Variants in CUBN observed in about 807,000 individuals in gnomAD.
The protein encoded by CUBN is cubilin, also known as 460 kDa receptor.
In CUBN, 282 loss-of-function variants were observed where a neutral mutation model predicts 405.3. That is an observed-to-expected ratio of 0.70 (90% confidence interval 0.63 to 0.77). The LOEUF (loss-of-function observed/expected upper bound fraction) is 0.77, where lower values mean the gene tolerates loss of function less well. Ranked by LOEUF, CUBN falls within the 30% of genes least tolerant of loss-of-function variation. The pLI is 0.00. For synonymous variants in CUBN, 1,684 were observed against 1,617.0 expected (o/e 1.04, Z -0.99); for missense variants, 4,514 against 4,475.2 (o/e 1.01, Z -0.25).
chr10:16,844,503 G>A (rs896743431), intron 60 of CUBN, among the ~76,000 whole-genome samples: 7 of 152,152 alleles, frequency 4.6e-5, no homozygotes, highest in East Asian at 1.9e-4. Flanking sequence ...CTGATCCTAC[G>A]TGATGTAAGA....
chr10:16,923,291 C>T (rs1362467023), intron 43 of CUBN, among the ~76,000 whole-genome samples: 4 of 152,088 alleles, frequency 2.6e-5, no homozygotes, highest in Non-Finnish European at 4.4e-5. Context: ...GAATAAAAGG[C>T]ATCTACCACA....
intron 54 of CUBN, among the ~76,000 whole-genome samples, chr10:16,896,341 A>G (rs1335696508): frequency 6.6e-6 from 1 of 152,132 alleles, no homozygotes; most frequent in Admixed American, 6.5e-5. Context: ...ACCATCTTTA[A>G]TGGTAGGTTT....
At chr10:17,031,494 T>C (rs537455855) in intron 27 of CUBN, among the ~76,000 whole-genome samples, 1 of 152,160 alleles carries the variant, frequency 6.6e-6, no homozygotes, top group African/African-American at 2.4e-5. Flanking sequence ...AGTAGTGGAG[T>C]TTGGGTTTAA....
rs547457448 is a variant in CUBN, at chr10:17,012,412, C to G, written c.4168+7421G>C. Among the ~76,000 whole-genome samples, 3 of 152,352 alleles carry G rather than the reference C, an allele frequency of 2.0e-5. No individual in the cohort carries two copies. In the East Asian group the frequency reaches 5.8e-4, roughly 29 times the overall value. On this transcript the variant is annotated intron_variant, in intron 28 of 66. Transcript: ENST00000377833. ...GCAACACTCTTTCCCAAAGAAGGTGCAAAGTCCTCCTTTCTCAGCAGTGAG... is the reference window on the plus strand; with the variant it reads ...GCAACACTCTTTCCCAAAGAAGGTGGAAAGTCCTCCTTTCTCAGCAGTGAG...
At chr10:16,990,992 CCTTAG>C (rs906539614) in intron 28 of CUBN, among the ~76,000 whole-genome samples, 1 of 152,016 alleles carries the variant, frequency 6.6e-6, no homozygotes, top group Non-Finnish European at 1.5e-5. Context: ...GGCTAAAAAT[CCTTAG>C]CTTTGTACCA....
At chr10:17,076,045 C>T (rs1006100884) in intron 17 of CUBN, among the ~76,000 whole-genome samples, 2 of 152,062 alleles carry the variant, frequency 1.3e-5, no homozygotes, top group Admixed American at 6.6e-5. Context: ...TTTGCTTCTT[C>T]GAAGATTGTA....
At chr10:17,069,810 C>T (rs950301885) in intron 19 of CUBN, among the ~76,000 whole-genome samples, 1 of 152,226 alleles carries the variant, frequency 6.6e-6, no homozygotes, top group African/African-American at 2.4e-5. Context: ...TCTTAAAGTG[C>T]TGGGATGAGG....
intron 31 of CUBN, among the ~76,000 whole-genome samples, chr10:16,981,867 T>C (rs1214311045): frequency 6.6e-6 from 1 of 152,136 alleles, no homozygotes; most frequent in Admixed American, 6.5e-5. Flanking sequence ...CCATATTCCT[T>C]CTCCTCCACT....
intron 31 of CUBN, among the ~76,000 whole-genome samples, chr10:16,981,563 C>G (rs1833274881): frequency 6.6e-6 from 1 of 152,152 alleles, no homozygotes; most frequent in African/African-American, 2.4e-5. Flanking sequence ...CCCTTTGGGG[C>G]TTTTGGGGTC....
intron 22 of CUBN, among the ~76,000 whole-genome samples, chr10:17,064,979 A>G (rs1395738421): frequency 2.6e-5 from 4 of 152,114 alleles, no homozygotes; most frequent in African/African-American, 9.7e-5. Flanking sequence ...TCTGTTTCTA[A>G]TTTCTTAACA....
At chr10:17,028,256 A>G (rs1367322912) in intron 27 of CUBN, among the ~76,000 whole-genome samples, 1 of 145,518 alleles carries the variant, frequency 6.9e-6, no homozygotes, top group Non-Finnish European at 1.5e-5. Flanking sequence ...TATTATTATT[A>G]TTATTATGCC....
intron 28 of CUBN, among the ~76,000 whole-genome samples, chr10:17,016,473 G>C (rs1172441309): frequency 6.6e-6 from 1 of 152,144 alleles, no homozygotes; most frequent in Non-Finnish European, 1.5e-5. Flanking sequence ...TTAAAGGCCA[G>C]GGTTTGATCT....
chr10:16,988,929 G>A (rs1833504451), intron 29 of CUBN, among the ~76,000 whole-genome samples: 3 of 152,170 alleles, frequency 2.0e-5, no homozygotes, highest in African/African-American at 7.2e-5. Context: ...ACGATTTAAT[G>A]TTTAAATGAG....
At chr10:17,086,834 C>T (rs1354322194) in intron 15 of CUBN, among the ~76,000 whole-genome samples, 1 of 152,146 alleles carries the variant, frequency 6.6e-6, no homozygotes, top group African/African-American at 2.4e-5. Flanking sequence ...AAATGAGAGA[C>T]ATTTCAATAT....
Position 16,950,064 on chromosome 10 carries a change from T to C in CUBN, c.5017A>G (p.Thr1673Ala), listed in dbSNP as rs1251810164. ...SFTHFELERS[T>A]TCARDFVEIL... is the part of the protein sequence containing the mutation. ...TCTACAAAGTCACGTGCACACGTTG[T>C]GCTTCTTTCAAGTTCAAAGTGGGTA... The change falls in exon 34 of 67, where the codon ACA (threonine) becomes GCA (alanine). Residue 1673 changes from threonine (T) to alanine (A), a missense_variant. Coordinates refer to ENST00000377833, the MANE Select transcript of CUBN (RefSeq NM_001081.4). 1 of 1,614,074 alleles carries C rather than the reference T, an allele frequency of 6.2e-7. No individual in the cohort carries two copies. The highest frequency in any genetic ancestry group is 2.2e-5 in the East Asian group (1 of 44,868).
chr10:16,937,481 C>T (rs906488372), intron 39 of CUBN, 111 bp downstream of exon 39: 72 of 857,478 alleles, frequency 8.4e-5, no homozygotes, highest in Middle Eastern at 6.4e-4. Flanking sequence ...GGTGGAAGGG[C>T]TTTGGGGCTG....
intron 16 of CUBN, 90 bp from the exon 17 acceptor site, chr10:17,084,551 C>CAG (rs1396911578): frequency 3.2e-6 from 3 of 933,192 alleles, no homozygotes; most frequent in African/African-American, 1.6e-5. Flanking sequence ...TTTACCCACA[C>CAG]ACACACACAC....
intron 12 of CUBN, among the ~76,000 whole-genome samples, chr10:17,103,818 G>C (rs1836555517): frequency 6.6e-6 from 1 of 152,238 alleles, no homozygotes; most frequent in Non-Finnish European, 1.5e-5. Context: ...AAACAAGGAA[G>C]ATGTGTGAGG....
At chr10:17,099,924 G>A in intron 14 of CUBN, 81 bp downstream of exon 14, 2 of 822,004 alleles carry the variant, frequency 2.4e-6, no homozygotes, top group East Asian at 4.9e-5. Flanking sequence ...AACATCTCAT[G>A]TATCCAAAAG....
Sources: allele counts gnomAD v4.1 joint callset (sites outside exome capture counted in the v4.1 genomes callset), GRCh38; gene constraint gnomAD v4.1.1; transcripts MANE v1.5; gene names NCBI Gene and HGNC (gene_info 2026-07-23, HGNC 2026-07-21).